The following UNC13C variants were observed in gnomAD, a reference collection of about 807,000 sequenced individuals.
UNC13C encodes the protein unc-13 homolog C.
Under a neutral mutation model 245.4 loss-of-function variants are expected in UNC13C, and 174 were observed. The ratio of observed to expected loss-of-function variants is 0.71; its 90% CI spans 0.63 to 0.80. UNC13C has a LOEUF of 0.80. Among genes scored for constraint, UNC13C ranks in the 30% least tolerant of loss-of-function variants. The pLI is 0.00. For synonymous variants in UNC13C, 992 were observed against 895.1 expected, an observed-to-expected ratio of 1.11 and a Z score of -1.93; for missense variants, 2,829 against 2,602.9, an observed-to-expected ratio of 1.09 and a Z score of -1.89.
chr15:53,952,412 A>G, the UNC13C span, among the ~76,000 whole-genome samples: 2 of 152,232 alleles, frequency 1.3e-5, no homozygotes, highest in African/African-American at 4.8e-5. Context: ...TTCTAACTAA[A>G]TAATTCTCCC....
chr15:54,166,361 A>T (rs1439445303), intron 4 of UNC13C, among the ~76,000 whole-genome samples: 1 of 152,086 alleles, frequency 6.6e-6, no homozygotes, highest in Admixed American at 6.6e-5. Flanking sequence ...TTACCCAATC[A>T]TATCTTAAAA....
intron 19 of UNC13C, among the ~76,000 whole-genome samples, chr15:54,478,872 C>G (rs145073680): frequency 6.6e-6 from 1 of 152,040 alleles, no homozygotes; most frequent in African/African-American, 2.4e-5. Flanking sequence ...TCCTTGTTAA[C>G]TTTCTGTCTT....
At chr15:54,586,478 T>C (rs776056745) in intron 30 of UNC13C, among the ~76,000 whole-genome samples, 33 of 152,196 alleles carry the variant, frequency 2.2e-4, no homozygotes, top group Non-Finnish European at 3.8e-4. Context: ...ATCTCTGGTA[T>C]CTCTTCCTCC....
At chr15:54,465,137 A>G (rs1892097932) in intron 19 of UNC13C, among the ~76,000 whole-genome samples, 1 of 152,068 alleles carries the variant, frequency 6.6e-6, no homozygotes, top group Non-Finnish European at 1.5e-5. Flanking sequence ...GAAAGAAGTA[A>G]TGAATAAAAC....
At chr15:54,195,123 A>C (rs2034310302) in intron 4 of UNC13C, among the ~76,000 whole-genome samples, 1 of 100,148 alleles carries the variant, frequency 1.0e-5, no homozygotes, top group African/African-American at 3.2e-5. Context: ...ACATACAAAA[A>C]TGGAATTTCA....
At chr15:53,964,088 G>A in the UNC13C span, among the ~76,000 whole-genome samples, 24 of 152,066 alleles carry the variant, frequency 1.6e-4, no homozygotes, top group African/African-American at 5.8e-4. Context: ...CATGAAAGAT[G>A]TGATTCTAGA....
intron 13 of UNC13C, among the ~76,000 whole-genome samples, chr15:54,303,445 G>A (rs1000315320): frequency 2.0e-5 from 3 of 151,950 alleles, no homozygotes; most frequent in African/African-American, 4.8e-5. Context: ...GGGAGCTGAT[G>A]TTAGATTCAT....
chr15:54,247,217 C>T (rs1008126942), intron 7 of UNC13C, among the ~76,000 whole-genome samples: 2 of 152,126 alleles, frequency 1.3e-5, no homozygotes, highest in Admixed American at 6.5e-5. Context: ...CTTTCATTTG[C>T]TTCCATCAAT....
At chr15:54,010,550 A>T (rs1333635687) in intron 1 of UNC13C, among the ~76,000 whole-genome samples, 2 of 152,196 alleles carry the variant, frequency 1.3e-5, no homozygotes, top group African/African-American at 4.8e-5. Context: ...TGAGGTAAAA[A>T]TATGGTAATC....
intron 19 of UNC13C, among the ~76,000 whole-genome samples, chr15:54,484,872 A>ACCTC (rs1567317760): frequency 6.6e-6 from 1 of 152,218 alleles, no homozygotes. Flanking sequence ...TTCAAGAGGT[A>ACCTC]AAATCCACAA....
chr15:53,867,062 T>C, the UNC13C span, among the ~76,000 whole-genome samples: 1 of 152,196 alleles, frequency 6.6e-6, no homozygotes, highest in Admixed American at 6.6e-5. Context: ...ACATCCTCAG[T>C]AACTTGGAAA....
chr15:54,522,695 T>A (rs1444928504), intron 24 of UNC13C, among the ~76,000 whole-genome samples: 1 of 152,162 alleles, frequency 6.6e-6, no homozygotes, highest in Non-Finnish European at 1.5e-5. Flanking sequence ...CTTCGTAGAG[T>A]GGGGAATTAA....
At chr15:54,111,917 T>A (rs1328943484) in intron 2 of UNC13C, among the ~76,000 whole-genome samples, 1 of 152,138 alleles carries the variant, frequency 6.6e-6, no homozygotes, top group East Asian at 1.9e-4. Flanking sequence ...AATGGTGGCA[T>A]GCAAAGTCTT....
At chr15:54,628,892 C>G (rs1901371071), downstream of UNC13C, 1 of 152,068 alleles carries the variant, frequency 6.6e-6, no homozygotes, top group Non-Finnish European at 1.5e-5. Flanking sequence ...CAAAGACCTA[C>G]AAACAGAATT....
chr15:54,581,474 C>T (rs141865464), intron 30 of UNC13C, among the ~76,000 whole-genome samples: 187 of 152,324 alleles, frequency 1.2e-3, no homozygotes, highest in African/African-American at 4.3e-3. Flanking sequence ...GAGGGCTCTC[C>T]TCCTGGCTTG....
chr15:53,851,699 G>C, the UNC13C span, among the ~76,000 whole-genome samples: 3 of 152,146 alleles, frequency 2.0e-5, no homozygotes, highest in Non-Finnish European at 4.4e-5. Flanking sequence ...GCAAGCCCTT[G>C]CAGGCTTTAG....
intron 2 of UNC13C, among the ~76,000 whole-genome samples, chr15:54,139,577 A>G (rs1369622657): frequency 4.6e-5 from 7 of 152,196 alleles, no homozygotes; most frequent in African/African-American, 7.2e-5. Flanking sequence ...ACTATGCATG[A>G]TAGTGTTTGA....
At chr15:54,234,041 A>T (rs556416580) in intron 4 of UNC13C, among the ~76,000 whole-genome samples, 2 of 152,310 alleles carry the variant, frequency 1.3e-5, no homozygotes, top group Admixed American at 6.5e-5. Flanking sequence ...ACCTCTTAGA[A>T]AATTATTTTA....
chr15:54,577,084 T>C (rs1218339794), intron 30 of UNC13C, among the ~76,000 whole-genome samples: 1 of 152,006 alleles, frequency 6.6e-6, no homozygotes, highest in Non-Finnish European at 1.5e-5. Context: ...TGTGCATCCT[T>C]AGAAAAAAGC....
Sources: gnomAD v4.1 joint callset for allele counts (sites outside exome capture counted in the v4.1 genomes callset) on GRCh38, gnomAD v4.1.1 for gene constraint, MANE v1.5 for transcripts, NCBI Gene and HGNC (gene_info 2026-07-23, HGNC 2026-07-21) for gene names.